The following TTI2 variants were observed in gnomAD, a reference collection of about 807,000 sequenced individuals.
TTI2 encodes the protein TELO2 interacting protein 2.
Under a neutral mutation model 44.9 loss-of-function variants are expected in TTI2, and 26 were observed. That is an observed-to-expected ratio of 0.58 (90% CI 0.42 to 0.80). The LOEUF (loss-of-function observed/expected upper bound fraction) is 0.80. Among genes scored for constraint, TTI2 ranks in the 30% least tolerant of loss-of-function variants. The pLI is 0.00. For missense variants in TTI2, 582 were observed against 611.6 expected, an observed-to-expected ratio of 0.95 and a Z score of 0.51; for synonymous variants, 254 against 250.9, an observed-to-expected ratio of 1.01 and a Z score of -0.12.
intron 3 of TTI2, among the ~76,000 whole-genome samples, 174 bp from the exon 4 acceptor site, chr8:33,507,495 C>G (rs1430478470): frequency 6.6e-6 from 1 of 152,124 alleles, no homozygotes; most frequent in Non-Finnish European, 1.5e-5. Flanking sequence ...AAAGGGTGAG[C>G]TGACTTGTCT....
intron 2 of TTI2, among the ~76,000 whole-genome samples, chr8:33,511,599 T>A (rs59626204): frequency 0.015 from 2,312 of 152,106 alleles, 52 homozygotes; most frequent in African/African-American, 0.046. Context: ...TATAAAAAAT[T>A]AAGCTAGGGC....
intron 4 of TTI2, 34 bp from the exon 5 acceptor site, chr8:33,503,969 T>A: frequency 1.2e-6 from 2 of 1,605,764 alleles, no homozygotes; most frequent in Non-Finnish European, 1.7e-6. Context: ...GGTGCATAGT[T>A]CATCCATTTG....
chr8:33,506,681 A>G (rs1027940512), intron 4 of TTI2, among the ~76,000 whole-genome samples: 1 of 141,606 alleles, frequency 7.1e-6, no homozygotes, highest in Admixed American at 7.2e-5. Context: ...TGTGAGCCAC[A>G]GTGCCAGGCT....
chr8:33,507,080 G>T, intron 4 of TTI2, 149 bp downstream of exon 4: 1 of 700,170 alleles, frequency 1.4e-6, no homozygotes. Context: ...GCTTGGTGCT[G>T]AGATATTTTT....
chr8:33,503,865 G>C lies in TTI2; in HGVS notation c.998C>G (p.Ala333Gly), dbSNP rs748398550. Residue 333 changes from alanine to glycine, a missense_variant, in exon 5 of 8, where the codon GCT (alanine) becomes GGT (glycine). Physicochemically the swap from Ala to Gly is moderately conservative, Grantham distance 60. Coordinates refer to ENST00000431156, the MANE Select transcript of TTI2 (RefSeq NM_001102401.4). ...CTCATCACAATGGGTGGTGGGTCGA[G>C]CTCCATCTCCTTTCCAGTGCAGGGT... ...EKTLHWKGDGARPTTHCDEVL... is the reference protein window; with the variant it reads ...EKTLHWKGDGGRPTTHCDEVL... The C allele has an allele frequency of 1.9e-5, 30 of 1,614,152 alleles. No individual in the cohort carries two copies. Among genetic ancestry groups the C allele is most frequent in the Admixed American group, 1.3e-4 (8 of 60,000 alleles).
Position 33,499,041 on chromosome 8 carries a change from AAAGG to A in TTI2, c.*128_*131del. ...TCCCTATTCTTATGGAGGTAAAAGG[AAAGG>A]AAGGAAGGAAAAAGCAGCTTTCACT... On this transcript the variant is annotated 3_prime_UTR_variant, in exon 8 of 8. Transcript: ENST00000431156. 1.4e-6 allele frequency: 1 copy of A among 704,522 alleles called. No individual in the cohort carries two copies. The highest frequency in any genetic ancestry group is 2.4e-6 in the Non-Finnish European group (1 of 421,262). 43.6% of individuals were successfully genotyped at this position (704,522 alleles called of 1,614,324 possible).
intron 4 of TTI2, among the ~76,000 whole-genome samples, chr8:33,506,870 T>C (rs1332195134): frequency 6.6e-6 from 1 of 151,944 alleles, no homozygotes; most frequent in African/African-American, 2.4e-5. Context: ...TTTTTTTGTA[T>C]TTTTAGTAGA....
chr8:33,506,620 T>C (rs960656803), intron 4 of TTI2, among the ~76,000 whole-genome samples: 4 of 151,324 alleles, frequency 2.6e-5, no homozygotes, highest in African/African-American at 9.7e-5. Flanking sequence ...CTTGATCTCC[T>C]GACCTCGTGA....
At chr8:33,505,729 C>A (rs1809269821) in intron 4 of TTI2, among the ~76,000 whole-genome samples, 1 of 152,178 alleles carries the variant, frequency 6.6e-6, no homozygotes, top group Non-Finnish European at 1.5e-5. Flanking sequence ...TCTTGGCTCA[C>A]CGCAACCTCC....
chr8:33,512,091 C>T lies in TTI2; in HGVS notation c.523G>A (p.Val175Met), dbSNP rs1319756322. The T allele has an allele frequency of 1.2e-6, 2 of 1,613,964 alleles. No individual in the cohort carries two copies. Among genetic ancestry groups the T allele is most frequent in the East Asian group, 2.2e-5 (1 of 44,876 alleles). Residue 175 changes from valine to methionine, a missense_variant, in exon 2 of 8, where the codon GTG becomes ATG. Val to Met is a conservative substitution (Grantham distance 21). Coordinates refer to ENST00000431156, the MANE Select transcript of TTI2 (RefSeq NM_001102401.4). Reference sequence around the variant, plus strand: ...GTAACTTGAAGCAGTGAGGTGAGCACCTCCCTAGCAACTTCCCGAGATCTC... The same window carrying T: ...GTAACTTGAAGCAGTGAGGTGAGCATCTCCCTAGCAACTTCCCGAGATCTC... ...TPRSREVARE[V>M]LTSLLQVTEC...
rs1809545841 is a variant in TTI2, at chr8:33,511,992, C to T, written c.622G>A (p.Gly208Arg). 6.2e-7 allele frequency: 1 copy of T among 1,614,218 alleles called. No individual in the cohort carries two copies. Among genetic ancestry groups the T allele is most frequent in the Middle Eastern group, 1.6e-4 (1 of 6,062 alleles). The change falls in exon 2 of 8, where the codon GGG becomes AGG. Residue 208 changes from glycine to arginine, a missense_variant. Transcript: ENST00000431156. Reference sequence around the variant, plus strand: ...TTATACAAGTCGGGTTTGAGAAGCCCTAGTATCACCGAAAGTCTCCCTTTC... The same window carrying T: ...TTATACAAGTCGGGTTTGAGAAGCCTTAGTATCACCGAAAGTCTCCCTTTC... ...DEKGRLSVILGLLKPDLYKES... is the reference protein window; with the variant it reads ...DEKGRLSVILRLLKPDLYKES...
chr8:33,512,468 T>C lies in TTI2; in HGVS notation c.146A>G (p.Asp49Gly), dbSNP rs755302469. ...ATCACCGAGGTCTTTAAGAACTGCATCTTTTACATTGCCTCGTCGTGCCTC... is the reference window on the plus strand; with the variant it reads ...ATCACCGAGGTCTTTAAGAACTGCACCTTTTACATTGCCTCGTCGTGCCTC... Reference protein sequence around the residue: ...RPEARRGNVKDAVLKDLGDLI... With the variant: ...RPEARRGNVKGAVLKDLGDLI... The change falls in exon 2 of 8, where the codon GAT (aspartate) becomes GGT (glycine). Residue 49 changes from aspartate (D) to glycine (G), a missense_variant. Coordinates refer to ENST00000431156, the MANE Select transcript of TTI2 (RefSeq NM_001102401.4). The C allele has an allele frequency of 6.2e-7, 1 of 1,613,998 alleles. No individual in the cohort carries two copies. The highest frequency in any genetic ancestry group is 1.3e-5 in the African/African-American group (1 of 74,934).
At chr8:33,501,909 T>C (rs2128827263) in intron 6 of TTI2, among the ~76,000 whole-genome samples, 1 of 152,312 alleles carries the variant, frequency 6.6e-6, no homozygotes, top group Non-Finnish European at 1.5e-5. Context: ...CAAGCAAGTA[T>C]ATCCTACATT....
rs765250202 is a variant in TTI2 at position 33,509,868 on chromosome 8, G to T, written c.712C>A (p.Arg238=). Reference sequence around the variant, plus strand: ...TCCAGATGCTGGCTCAGCCAGGGCCGAGTGACCTGTTGCAGAGTCCATGAG... The same window carrying T: ...TCCAGATGCTGGCTCAGCCAGGGCCTAGTGACCTGTTGCAGAGTCCATGAG... ...VFSWTLQQVT[R]PWLSQHLERV... The change falls in exon 3 of 8, where the codon CGG becomes AGG. Residue 238 remains arginine (R), a synonymous_variant. Coordinates refer to ENST00000431156, the MANE Select transcript of TTI2 (RefSeq NM_001102401.4). The T allele has an allele frequency of 6.2e-7, 1 of 1,613,586 alleles. No homozygotes were observed. Among genetic ancestry groups the T allele is most frequent in the Admixed American group, 1.7e-5 (1 of 59,940 alleles).
At chr8:33,507,725 C>T (rs997428564) in intron 3 of TTI2, among the ~76,000 whole-genome samples, 3 of 152,152 alleles carry the variant, frequency 2.0e-5, no homozygotes, top group Middle Eastern at 3.4e-3. Flanking sequence ...GTGACTCACA[C>T]CTGTAACCCC....
intron 7 of TTI2, 22 bp downstream of exon 7, chr8:33,500,306 A>AC: frequency 6.2e-7 from 1 of 1,613,958 alleles, no homozygotes; most frequent in Non-Finnish European, 8.5e-7. Flanking sequence ...CCCAACTGAA[A>AC]CCAAGTTTCA....
At position 33,512,556 on chromosome 8, in the gene TTI2, C is replaced by T; in HGVS notation, c.58G>A (p.Glu20Lys). The T allele has an allele frequency of 1.9e-6, 3 of 1,614,026 alleles. No individual in the cohort carries two copies. Among genetic ancestry groups the T allele is most frequent in the Non-Finnish European group, 1.7e-6 (2 of 1,180,034 alleles). The change falls in exon 2 of 8, where the codon GAG becomes AAG. Residue 20 changes from glutamate (E) to lysine (K), a missense_variant. Physicochemically the swap from Glu to Lys is moderately conservative, Grantham distance 56 (BLOSUM62 1). Transcript: ENST00000431156. ...PSQEDSNLSE[E>K]LSHSAFGQAF... Reference sequence around the variant, plus strand: ...TGTCCAAAGGCGGAGTGAGACAACTCCTCGGACAAATTAGAGTCTTCCTGC... The same window carrying T: ...TGTCCAAAGGCGGAGTGAGACAACTTCTCGGACAAATTAGAGTCTTCCTGC...
At chr8:33,505,525 C>T (rs184832196) in intron 4 of TTI2, among the ~76,000 whole-genome samples, 43 of 150,632 alleles carry the variant, frequency 2.9e-4, no homozygotes, top group African/African-American at 1.0e-3. Context: ...GTTTCACTCT[C>T]GTTGCCCAGG....
intron 1 of TTI2, 165 bp from the exon 2 acceptor site, chr8:33,512,877 TAA>T (rs61291473): frequency 0.021 from 1,911 of 92,454 alleles, no homozygotes; most frequent in South Asian, 0.065. Flanking sequence ...TCCGTCTCAG[TAA>T]AAAAAAAAAA....
Sources: allele counts gnomAD v4.1 joint callset (sites outside exome capture counted in the v4.1 genomes callset), GRCh38; gene constraint gnomAD v4.1.1; transcripts MANE v1.5; gene names NCBI Gene and HGNC (gene_info 2026-07-23, HGNC 2026-07-21).